The following RASGRF2 variants were observed in gnomAD, a reference collection of about 807,000 sequenced individuals.
RASGRF2 encodes Ras protein specific guanine nucleotide releasing factor 2, also known as ras-specific guanine nucleotide-releasing factor 2.
In RASGRF2, 76 loss-of-function variants were observed where a neutral mutation model predicts 151.0. That is an observed-to-expected ratio of 0.50 (90% confidence interval 0.42 to 0.61). The LOEUF is 0.61. RASGRF2 is among the 20% of genes least tolerant of loss of function. The pLI is 0.00. For missense variants in RASGRF2, 1,148 were observed against 1,564.6 expected, an observed-to-expected ratio of 0.73 and a Z score of 4.49; for synonymous variants, 504 against 566.5, an observed-to-expected ratio of 0.89 and a Z score of 1.57.
intron 1 of RASGRF2, among the ~76,000 whole-genome samples, chr5:81,036,419 C>T (rs1351826214): frequency 6.6e-6 from 1 of 151,920 alleles, no homozygotes; most frequent in Non-Finnish European, 1.5e-5. Context: ...TTCTTATTAA[C>T]ACTATCATTG....
At chr5:81,058,872 A>C (rs925167087) in intron 2 of RASGRF2, among the ~76,000 whole-genome samples, 7 of 151,996 alleles carry the variant, frequency 4.6e-5, no homozygotes, top group African/African-American at 1.7e-4. Context: ...AGATCATATT[A>C]GATGATTTAT....
chr5:81,112,902 C>T lies in RASGRF2; in HGVS notation c.2087+44C>T, dbSNP rs368995047. ...GTTAGCCTGTCATTCGCATATGGCC[C>T]TCTTCGTTCCGGAGTCACCATGAGG... is the stretch of plus-strand genomic sequence containing the variant. On this transcript the variant is annotated intron_variant, in intron 14 of 26. Coordinates refer to ENST00000265080, the MANE Select transcript of RASGRF2 (RefSeq NM_006909.3). 3.8e-5 allele frequency: 61 copies of T among 1,610,404 alleles called. No individual in the cohort carries two copies. In the African/African-American group the frequency reaches 6.9e-4, roughly 18 times the overall value.
intron 17 of RASGRF2, among the ~76,000 whole-genome samples, chr5:81,164,121 A>T (rs145134691): frequency 6.6e-6 from 1 of 152,336 alleles, no homozygotes; most frequent in East Asian, 1.9e-4. Flanking sequence ...TAAAATAATT[A>T]TAGTAACAAT....
chr5:81,193,006 A>T (rs1580394704), intron 18 of RASGRF2, among the ~76,000 whole-genome samples: 1 of 152,106 alleles, frequency 6.6e-6, no homozygotes, highest in South Asian at 2.1e-4. Context: ...TTTGTTCCAG[A>T]TTTTAAAATT....
intron 18 of RASGRF2, among the ~76,000 whole-genome samples, chr5:81,188,148 G>C (rs941123256): frequency 6.6e-6 from 1 of 152,202 alleles, no homozygotes; most frequent in South Asian, 2.1e-4. Context: ...TCATCCATCC[G>C]GGCTCGTGTC....
Position 81,206,871 on chromosome 5 carries a change from A to G in RASGRF2, c.2933A>G (p.Asp978Gly). 1.2e-6 allele frequency: 2 copies of G among 1,610,914 alleles called. No homozygotes were observed. Among genetic ancestry groups the G allele is most frequent in the East Asian group, 2.2e-5 (1 of 44,876 alleles). The change falls in exon 20 of 27, where the codon GAC becomes GGC. Residue 978 changes from aspartate (D) to glycine (G), a missense_variant. This residue lies in a region of RASGRF2 where 646 missense variants were observed against 807.4 expected (regional missense o/e 0.80). Transcript: ENST00000265080. ...LRALSQDDQD[D>G]IHLKLEDIIQ... Reference sequence around the variant, plus strand: ...GCCCTTTCACAAGATGACCAAGATGACATCCACCTAAAATTAGAGGATATA... The same window carrying G: ...GCCCTTTCACAAGATGACCAAGATGGCATCCACCTAAAATTAGAGGATATA...
chr5:81,079,656 A>G (rs1195858686), intron 5 of RASGRF2, among the ~76,000 whole-genome samples: 3 of 152,024 alleles, frequency 2.0e-5, no homozygotes, highest in Non-Finnish European at 4.4e-5. Context: ...TGTCTTGGGT[A>G]TCTTGGGAGT....
chr5:81,228,758 A>C lies in RASGRF2; in HGVS notation c.*2988A>C, dbSNP rs1210733536. 5 of 152,248 alleles carry C rather than the reference A, an allele frequency of 3.3e-5. No individual in the cohort carries two copies. Among genetic ancestry groups the C allele is most frequent in the Non-Finnish European group, 7.3e-5 (5 of 68,048 alleles). 9.4% of individuals were successfully genotyped at this position (152,248 alleles called of 1,614,324 possible). A position where few individuals can be genotyped will look rare whatever the true frequency, so the allele number is the denominator to read the frequency against. ...CCTAATCCAATATATTATTTGACAG[A>C]TTCAGGCATGAAGTAAAACGTCGTC... On this transcript the variant is annotated 3_prime_UTR_variant, in exon 27 of 27. Transcript: ENST00000265080.
At chr5:81,218,788 C>T (rs1425140104) in intron 25 of RASGRF2, among the ~76,000 whole-genome samples, 1 of 152,130 alleles carries the variant, frequency 6.6e-6, no homozygotes, top group South Asian at 2.1e-4. Flanking sequence ...TTGCTTTTGG[C>T]AGTATGGTCA....
Position 81,193,661 on chromosome 5 carries a change from G to A in RASGRF2, c.2794-7669G>A, listed in dbSNP as rs574708252. 2.4e-3 allele frequency among the ~76,000 whole-genome samples: 371 copies of A among 152,058 alleles called. 1 individual carries two copies. The highest frequency in any genetic ancestry group is 8.5e-3 in the African/African-American group (352 of 41,458). ...CTCCTGCGTAGCTGGGATTACAGGC[G>A]CCCACCACCATGCCCAGCTAATTTT... On this transcript the variant is annotated intron_variant, in intron 18 of 26. Coordinates refer to ENST00000265080, the MANE Select transcript of RASGRF2 (RefSeq NM_006909.3).
At chr5:80,982,717 C>T (rs934959133) in intron 1 of RASGRF2, among the ~76,000 whole-genome samples, 1 of 151,758 alleles carries the variant, frequency 6.6e-6, no homozygotes, top group Non-Finnish European at 1.5e-5. Context: ...TCTCCTGCCT[C>T]AGTCTCCCGA....
chr5:81,007,985 A>G (rs1221227507), intron 1 of RASGRF2, among the ~76,000 whole-genome samples: 2 of 152,108 alleles, frequency 1.3e-5, no homozygotes, highest in Non-Finnish European at 2.9e-5. Context: ...ACCATCCAGC[A>G]ATAGTATTTA....
At chr5:81,214,572 T>C (rs1216266147) in intron 23 of RASGRF2, among the ~76,000 whole-genome samples, 3 of 152,236 alleles carry the variant, frequency 2.0e-5, no homozygotes, top group Non-Finnish European at 4.4e-5. Flanking sequence ...AGGTTAGCCC[T>C]GGACCAAGCA....
At chr5:81,039,013 C>A (rs1396073565) in intron 1 of RASGRF2, among the ~76,000 whole-genome samples, 4 of 152,050 alleles carry the variant, frequency 2.6e-5, no homozygotes, top group Non-Finnish European at 5.9e-5. Context: ...CATTTTCAAT[C>A]TTTTTTTATG....
intron 9 of RASGRF2, among the ~76,000 whole-genome samples, chr5:81,092,328 C>T (rs949264064): frequency 6.6e-6 from 1 of 151,674 alleles, no homozygotes; most frequent in Non-Finnish European, 1.5e-5. Flanking sequence ...ATTGTACATT[C>T]TATTTTTAAA....
At chr5:81,057,139 T>G (rs536131423) in intron 2 of RASGRF2, among the ~76,000 whole-genome samples, 170 of 152,328 alleles carry the variant, frequency 1.1e-3, no homozygotes, top group African/African-American at 3.7e-3. Flanking sequence ...CATTTAAGGT[T>G]AATATTGTTA....
At chr5:80,977,252 G>A (rs1287640134) in intron 1 of RASGRF2, among the ~76,000 whole-genome samples, 2 of 152,086 alleles carry the variant, frequency 1.3e-5, no homozygotes, top group African/African-American at 4.8e-5. Context: ...GGTACCAAAC[G>A]TCCAGTATAT....
rs1187215804 is a variant in RASGRF2 at position 81,226,731 on chromosome 5, C to T, written c.*961C>T. 1 of 152,128 alleles carries T rather than the reference C, an allele frequency of 6.6e-6. No homozygotes were observed. The highest frequency in any genetic ancestry group is 6.5e-5 in the Admixed American group (1 of 15,274). The allele number at this position is 152,128 out of a possible 1,614,324, so 9.4% of individuals were successfully genotyped here. On this transcript the variant is annotated 3_prime_UTR_variant, in exon 27 of 27. Transcript: ENST00000265080. Reference sequence around the variant, plus strand: ...GGAATCTATTCTCATTTACACAGACCTTTTTTTAGGCTTACTATGAACATT... The same window carrying T: ...GGAATCTATTCTCATTTACACAGACTTTTTTTTAGGCTTACTATGAACATT...
In RASGRF2 at chr5:81,225,775, C is replaced by T; in HGVS notation, c.*5C>T. ...GAACCTCGACTCCCTGCTTGAAGATCTGGCCTTGCCCCTGAGTCCACGGGA... is the reference window on the plus strand; with the variant it reads ...GAACCTCGACTCCCTGCTTGAAGATTTGGCCTTGCCCCTGAGTCCACGGGA... On this transcript the variant is annotated 3_prime_UTR_variant, in exon 27 of 27. Transcript: ENST00000265080. 2 of 1,610,736 alleles carry T rather than the reference C, an allele frequency of 1.2e-6. No individual in the cohort carries two copies. Among genetic ancestry groups the T allele is most frequent in the Non-Finnish European group, 1.7e-6 (2 of 1,179,288 alleles).
Sources: allele counts gnomAD v4.1 joint callset (sites outside exome capture counted in the v4.1 genomes callset), GRCh38; gene constraint gnomAD v4.1.1; regional missense constraint gnomAD v4.1.1; transcripts MANE v1.5; gene names NCBI Gene and HGNC (gene_info 2026-07-23, HGNC 2026-07-21).